FBRSL1: variants seen among roughly 807,000 people sequenced by gnomAD.
FBRSL1 encodes the protein fibrosin like 1.
In FBRSL1, 51 loss-of-function variants were observed where a neutral mutation model predicts 89.6. The observed-to-expected ratio is 0.57, with a 90% CI of 0.45 to 0.72. The LOEUF is 0.72. Ranked by LOEUF, FBRSL1 falls within the 30% of genes least tolerant of loss-of-function variation. The pLI is 0.00. For synonymous variants in FBRSL1, 779 were observed against 681.1 expected (o/e 1.14, Z -2.24); for missense variants, 1,618 against 1,451.8 (o/e 1.11, Z -1.86).
rs531508337 is a variant in FBRSL1, at chr12:132,583,244, G to T, written c.2475G>T (p.Glu825Asp). 3.5e-5 allele frequency: 47 copies of T among 1,359,812 alleles called. No homozygotes were observed. The African/African-American group carries it at 6.5e-4, about 19-fold the overall frequency. 84.2% of individuals were successfully genotyped at this position (1,359,812 alleles called of 1,614,324 possible). ...KEERGEDEAS[E>D]PPAGGLHPAP... The stretch of plus-strand genomic sequence containing the variant: ...AGCGCGGGGAGGACGAGGCCTCCGA[G>T]CCCCCGGCGGGCGGCCTGCACCCCG... Residue 825 changes from glutamate (E) to aspartate (D), a missense_variant, in exon 19 of 19, where the codon GAG becomes GAT. Transcript: ENST00000680143.
chr12:132,583,918 G>T lies in FBRSL1; in HGVS notation c.*140G>T. ...CGCAGCCTGCGGAGGCGGGGACTTG[G>T]GTGTCGGCTTTTCTGAGGGTGATCT... On this transcript the variant is annotated 3_prime_UTR_variant, in exon 19 of 19. Coordinates refer to ENST00000680143, the MANE Select transcript of FBRSL1 (RefSeq NM_001367871.1). 5.8e-6 allele frequency: 2 copies of T among 343,004 alleles called. No individual in the cohort carries two copies. Among genetic ancestry groups the T allele is most frequent in the Non-Finnish European group, 9.7e-6 (2 of 205,470 alleles). 21.2% of individuals were successfully genotyped at this position (343,004 alleles called of 1,614,324 possible).
chr12:132,570,233 C>A lies in FBRSL1; in HGVS notation c.999C>A (p.His333Gln). ...GHSQAAANGLHGLSRSSSAPL... is the reference protein window; with the variant it reads ...GHSQAAANGLQGLSRSSSAPL... ...GCCAGGCGGCAGCCAACGGCCTGCA[C>A]GGCCTCAGGTGGGGTCCCCGCGGGG... The change falls in exon 7 of 19, where the codon CAC (histidine) becomes CAA (glutamine). Residue 333 changes from histidine to glutamine, a missense_variant. Physicochemically the swap from His to Gln is conservative, Grantham distance 24. Coordinates refer to ENST00000680143, the MANE Select transcript of FBRSL1 (RefSeq NM_001367871.1). The A allele has an allele frequency of 1.3e-6, 2 of 1,493,884 alleles. No individual in the cohort carries two copies. Among genetic ancestry groups the A allele is most frequent in the Non-Finnish European group, 1.8e-6 (2 of 1,130,904 alleles). 92.5% of individuals were successfully genotyped at this position (1,493,884 alleles called of 1,614,324 possible). A position where few individuals can be genotyped will look rare whatever the true frequency, so the allele number is the denominator to read the frequency against.
chr12:132,503,678 G>A (rs752029761), intron 1 of FBRSL1, among the ~76,000 whole-genome samples: 3 of 152,250 alleles, frequency 2.0e-5, no homozygotes, highest in Non-Finnish European at 2.9e-5. Flanking sequence ...CGGGGCACAG[G>A]CCACCACAGG....
intron 17 of FBRSL1, 82 bp from the exon 18 acceptor site, chr12:132,581,980 C>T (rs2040787619): frequency 7.4e-7 from 1 of 1,359,554 alleles, no homozygotes; most frequent in African/African-American, 1.4e-5. Context: ...TGGGACCCTT[C>T]TAAAACCCCT....
chr12:132,567,464 C>T lies in FBRSL1; in HGVS notation c.646-17C>T. 1.3e-6 allele frequency: 2 copies of T among 1,551,096 alleles called. No individual in the cohort carries two copies. The highest frequency in any genetic ancestry group is 8.7e-7 in the Non-Finnish European group (1 of 1,146,856). On this transcript the variant is annotated splice_polypyrimidine_tract_variant and intron_variant, in intron 5 of 18. Coordinates refer to ENST00000680143, the MANE Select transcript of FBRSL1 (RefSeq NM_001367871.1). ...GGACCACCCTGACTGCCCCTGACCC[C>T]CCTTCTCTCTCTCCAGGCATCCGTG...
intron 4 of FBRSL1, among the ~76,000 whole-genome samples, chr12:132,535,236 G>A (rs116808817): frequency 0.014 from 2,076 of 152,330 alleles, 42 homozygotes; most frequent in African/African-American, 0.046. Context: ...ATATTAATAC[G>A]GTCGGCTCCA....
chr12:132,556,708 A>C (rs1441964299), intron 5 of FBRSL1, among the ~76,000 whole-genome samples: 10 of 32,794 alleles, frequency 3.0e-4, no homozygotes, highest in African/African-American at 9.1e-4. Context: ...TGCTGCCTCC[A>C]ACCCCTGTCC....
At chr12:132,520,702 CAG>C (rs1482126454) in intron 2 of FBRSL1, among the ~76,000 whole-genome samples, 1 of 152,198 alleles carries the variant, frequency 6.6e-6, no homozygotes, top group Non-Finnish European at 1.5e-5. Context: ...AGGTTCGGGA[CAG>C]AGGGGCCCCA....
At chr12:132,495,870 G>A (rs2031934430) in intron 1 of FBRSL1, among the ~76,000 whole-genome samples, 1 of 152,242 alleles carries the variant, frequency 6.6e-6, no homozygotes, top group African/African-American at 2.4e-5. Flanking sequence ...CTTGCACCTG[G>A]CCTGCTTTGG....
chr12:132,520,206 C>T lies in FBRSL1; in HGVS notation c.490-5528C>T, dbSNP rs149938185. ...CCCCTCCAGCACACCCTCCTTGCAC[C>T]CCTCCAGCACACCCTCCTTGCACCC... On this transcript the variant is annotated intron_variant, in intron 2 of 18. Coordinates refer to ENST00000680143, the MANE Select transcript of FBRSL1 (RefSeq NM_001367871.1). Among the ~76,000 whole-genome samples the T allele has an allele frequency of 4.7e-3, 706 of 149,986 alleles. 5 individuals are homozygous for T. Among genetic ancestry groups the T allele is most frequent in the African/African-American group, 0.017 (672 of 40,656 alleles).
chr12:132,495,118 G>A (rs1013638270), intron 1 of FBRSL1, among the ~76,000 whole-genome samples: 1 of 152,224 alleles, frequency 6.6e-6, no homozygotes, highest in Non-Finnish European at 1.5e-5. Context: ...ACGGCCCGTC[G>A]TGGGGAATGT....
At position 132,546,416 on chromosome 12, in the gene FBRSL1, A is replaced by G. The variant is rs1394195230; in HGVS notation, c.616-1587A>G. Reference sequence around the variant, plus strand: ...GTGGTGGGCCGGGCTGGGCGGGTGCAGGTGGGACTGAGGCCCTTCTCTACC... The same window carrying G: ...GTGGTGGGCCGGGCTGGGCGGGTGCGGGTGGGACTGAGGCCCTTCTCTACC... On this transcript the variant is annotated intron_variant, in intron 4 of 18. Transcript: ENST00000680143. The surrounding 1 kb of genome is among the most constrained non-coding windows in gnomAD (Gnocchi z 4.0). Among the ~76,000 whole-genome samples the G allele has an allele frequency of 6.6e-6, 1 of 152,240 alleles. No homozygotes were observed. The highest frequency in any genetic ancestry group is 1.5e-5 in the Non-Finnish European group (1 of 68,038).
In FBRSL1 at chr12:132,571,108, T is replaced by C. The variant is rs1054037283; in HGVS notation, c.1254T>C (p.Tyr418=). The change falls in exon 9 of 19, where the codon TAT becomes TAC. Residue 418 remains tyrosine (Y), a synonymous_variant. Coordinates refer to ENST00000680143, the MANE Select transcript of FBRSL1 (RefSeq NM_001367871.1). ...TCTCATTCAGCCAGCCAATCATGTA[T>C]TGCCAGCCTCATTCGGGAATTCTGA... ...LAVSFSQPIM[Y]CQPHSGILIG... 3 of 1,371,126 alleles carry C rather than the reference T, an allele frequency of 2.2e-6. No homozygotes were observed. The highest frequency in any genetic ancestry group is 2.8e-6 in the Non-Finnish European group (3 of 1,064,082). 84.9% of individuals were successfully genotyped at this position (1,371,126 alleles called of 1,614,324 possible).
chr12:132,497,557 G>A (rs966598825), intron 1 of FBRSL1, among the ~76,000 whole-genome samples: 1 of 152,070 alleles, frequency 6.6e-6, no homozygotes, highest in African/African-American at 2.4e-5. Flanking sequence ...ATGGCACCAG[G>A]ACCCCCTCTG....
chr12:132,573,667 AG>A (rs11290044), intron 11 of FBRSL1, among the ~76,000 whole-genome samples: 88,370 of 151,896 alleles, frequency 0.58, 26,930 homozygotes, highest in Admixed American at 0.66. Flanking sequence ...TCTGGGGAGG[AG>A]GGGGCTGTGG....
At chr12:132,573,758 C>T (rs2040201203) in intron 11 of FBRSL1, among the ~76,000 whole-genome samples, 1 of 152,174 alleles carries the variant, frequency 6.6e-6, no homozygotes, top group African/African-American at 2.4e-5. Context: ...CTTGGCCCAT[C>T]CAGGCTCACA....
intron 2 of FBRSL1, chr12:132,510,848 C>T (rs1050950749): frequency 4.7e-6 from 5 of 1,060,982 alleles, no homozygotes; most frequent in Non-Finnish European, 4.5e-6. Flanking sequence ...CTTTCTGTGC[C>T]TCTGAATTGC....
intron 5 of FBRSL1, among the ~76,000 whole-genome samples, chr12:132,549,273 C>G (rs1483904828): frequency 6.6e-6 from 1 of 152,120 alleles, no homozygotes; most frequent in Non-Finnish European, 1.5e-5. Context: ...TGTCCCTGCC[C>G]AACACACCTC....
At chr12:132,540,907 C>T (rs1260608665) in intron 4 of FBRSL1, among the ~76,000 whole-genome samples, 8 of 152,208 alleles carry the variant, frequency 5.3e-5, no homozygotes, top group Non-Finnish European at 1.0e-4. Flanking sequence ...AAAGTTATTT[C>T]CCTCTGAACC....
Sources: gnomAD v4.1 joint callset for allele counts (sites outside exome capture counted in the v4.1 genomes callset) on GRCh38, gnomAD v4.1.1 for gene constraint, Gnocchi (gnomAD v3.1) non-coding constraint, MANE v1.5 for transcripts, NCBI Gene and HGNC (gene_info 2026-07-23, HGNC 2026-07-21) for gene names.